GGTA1: variants seen among roughly 807,000 people sequenced by gnomAD.
GGTA1 encodes glycoprotein alpha-galactosyltransferase 1 (inactive), also known as inactive N-acetyllactosaminide alpha-1,3-galactosyltransferase.
Under a neutral mutation model 2.6 loss-of-function variants are expected in GGTA1, and 5 were observed. The ratio of observed to expected loss-of-function variants is 1.92; its 90% CI spans 1.00 to 4.04. The LOEUF (loss-of-function observed/expected upper bound fraction) is 4.04, where lower values mean the gene tolerates loss of function less well. GGTA1 is among the 30% of genes most tolerant of loss of function. GGTA1 has a pLI of 0.00. For synonymous variants in GGTA1, 17 were observed against 5.0 expected, an observed-to-expected ratio of 3.38 and a Z score of -3.19; for missense variants, 50 against 16.7, an observed-to-expected ratio of 2.99 and a Z score of -3.47.
chr9:121,467,988 A>G lies in GGTA1; in HGVS notation c.-9-57T>C, dbSNP rs2065016933. ...GAACAGATTAAATCAATGAACTTCA[A>G]GAGGCAGTTTTTAAAAAATGCTTTT... On this transcript the variant is annotated intron_variant, in intron 1 of 5. Transcript: ENST00000481799. 7.0e-5 allele frequency: 30 copies of G among 428,076 alleles called. 1 individual carries two copies. Among genetic ancestry groups the G allele is most frequent in the South Asian group, 5.0e-4 (30 of 59,748 alleles). 26.5% of individuals were successfully genotyped at this position (428,076 alleles called of 1,614,324 possible).
At chr9:121,463,547 A>G (rs1564652453) in intron 2 of GGTA1, among the ~76,000 whole-genome samples, 1 of 151,804 alleles carries the variant, frequency 6.6e-6, no homozygotes, top group Non-Finnish European at 1.5e-5. Flanking sequence ...AAAATCTCAA[A>G]TTGTGTGTTT....
At chr9:121,474,894 C>T (rs909715677) in intron 1 of GGTA1, among the ~76,000 whole-genome samples, 10 of 150,514 alleles carry the variant, frequency 6.6e-5, no homozygotes, top group South Asian at 2.1e-4. Flanking sequence ...AGAGCCCACC[C>T]GTCCTCCGCT....
At chr9:121,463,145 A>ACATTCTG (rs2064974392) in intron 3 of GGTA1, 148 bp downstream of exon 3, 1 of 414,050 alleles carries the variant, frequency 2.4e-6, no homozygotes, top group African/African-American at 2.1e-5. Context: ...TGCAGAAATA[A>ACATTCTG]CATTCCAGAT....
chr9:121,497,136 T>G (rs1418393547), intron 1 of GGTA1, among the ~76,000 whole-genome samples: 2 of 152,006 alleles, frequency 1.3e-5, no homozygotes, highest in African/African-American at 4.8e-5. Flanking sequence ...GAGGTTGCAG[T>G]GAGTCAAGAT....
At position 121,461,897 on chromosome 9, in the gene GGTA1, G is replaced by A. The variant is rs190862725; in HGVS notation, c.117-580C>T. On this transcript the variant is annotated intron_variant, in intron 3 of 5. Coordinates refer to ENST00000481799, the MANE Select transcript of GGTA1 (RefSeq NM_001382585.1). ...TGTAAAAGTCTAGAGAAAAATTTGGGTTGCCCAAAGGTTAGCAGTAACAGC... is the reference window on the plus strand; with the variant it reads ...TGTAAAAGTCTAGAGAAAAATTTGGATTGCCCAAAGGTTAGCAGTAACAGC... Among the ~76,000 whole-genome samples, 183 of 152,322 alleles carry A rather than the reference G, an allele frequency of 1.2e-3. 1 individual carries two copies. Among genetic ancestry groups the A allele is most frequent in the African/African-American group, 4.2e-3 (174 of 41,566 alleles).
chr9:121,461,201 T>C, intron 4 of GGTA1, 51 bp downstream of exon 4: 1 of 445,444 alleles, frequency 2.2e-6, no homozygotes, highest in Non-Finnish European at 4.5e-6. Flanking sequence ...GTGGACCCTC[T>C]GCAAGCACCA....
At chr9:121,479,114 G>T (rs1327429065) in intron 1 of GGTA1, 1 of 456,612 alleles carries the variant, frequency 2.2e-6, no homozygotes, top group Non-Finnish European at 4.4e-6. Flanking sequence ...CTGCTGGAGA[G>T]ACAAGGACTT....
intron 1 of GGTA1, among the ~76,000 whole-genome samples, chr9:121,484,069 T>C (rs754152580): frequency 2.6e-5 from 4 of 152,160 alleles, no homozygotes; most frequent in Non-Finnish European, 5.9e-5. Context: ...AGCATAGACT[T>C]GGGCTCATTG....
At chr9:121,469,491 T>C (rs571258121) in intron 1 of GGTA1, among the ~76,000 whole-genome samples, 99 of 152,228 alleles carry the variant, frequency 6.5e-4, no homozygotes, top group African/African-American at 2.3e-3. Context: ...AGCCAGAGAA[T>C]AACCAGATTT....
chr9:121,464,118 A>G (rs1462817417), intron 2 of GGTA1, among the ~76,000 whole-genome samples: 1 of 152,168 alleles, frequency 6.6e-6, no homozygotes, highest in East Asian at 1.9e-4. Context: ...CAACAGCACA[A>G]TGGTCACAGC....
intron 2 of GGTA1, among the ~76,000 whole-genome samples, chr9:121,466,484 G>A (rs1286521251): frequency 6.6e-6 from 1 of 152,134 alleles, no homozygotes; most frequent in Admixed American, 6.5e-5. Context: ...TTCTTAAAAT[G>A]AGTTGTGCAG....
chr9:121,495,510 G>A (rs1474358344), intron 1 of GGTA1, among the ~76,000 whole-genome samples: 2 of 152,142 alleles, frequency 1.3e-5, no homozygotes, highest in Admixed American at 6.5e-5. Context: ...TCATGCCACT[G>A]CACTCCAGCC....
intron 1 of GGTA1, among the ~76,000 whole-genome samples, chr9:121,487,918 G>C (rs1828795025): frequency 6.6e-6 from 1 of 152,090 alleles, no homozygotes; most frequent in Non-Finnish European, 1.5e-5. Context: ...GTTTCACCAT[G>C]TTGGCGAGGC....
chr9:121,496,785 T>C (rs1416864732), intron 1 of GGTA1, among the ~76,000 whole-genome samples: 1 of 128,148 alleles, frequency 7.8e-6, no homozygotes, highest in African/African-American at 2.9e-5. Context: ...TGAATGAACC[T>C]AGGGGGCAGA....
exon 8 of GGTA1, chr9:121,447,046 A>T (rs1295100234): frequency 2.0e-5 from 3 of 152,604 alleles, no homozygotes; most frequent in African/African-American, 7.2e-5. Flanking sequence ...AGAAGGAAAT[A>T]CTTGTTTAGG....
At chr9:121,473,960 G>GAGA (rs1828451259) in intron 1 of GGTA1, among the ~76,000 whole-genome samples, 2 of 78,902 alleles carry the variant, frequency 2.5e-5, no homozygotes, top group African/African-American at 9.2e-5. Context: ...AGAGAGAGAG[G>GAGA]GAGGGAGGGA....
In GGTA1 at chr9:121,448,104, T is replaced by A. The variant is rs2064861057; in HGVS notation, c.*119-507A>T. ...TTAGGAGGCCCAGGGTTTGCAGATATAAGCCACATTCTCCAATATCAGCTT... is the reference window on the plus strand; with the variant it reads ...TTAGGAGGCCCAGGGTTTGCAGATAAAAGCCACATTCTCCAATATCAGCTT... On this transcript the variant is annotated intron_variant and NMD_transcript_variant, in intron 7 of 7. Transcript: ENST00000481534. Among the ~76,000 whole-genome samples the A allele has an allele frequency of 1.3e-5, 2 of 152,304 alleles. 1 individual carries two copies. Among genetic ancestry groups the A allele is most frequent in the South Asian group, 4.1e-4 (2 of 4,822 alleles).
At chr9:121,466,571 A>C (rs1477471234) in intron 2 of GGTA1, among the ~76,000 whole-genome samples, 1 of 152,110 alleles carries the variant, frequency 6.6e-6, no homozygotes, top group African/African-American at 2.4e-5. Context: ...GCATTCGGAG[A>C]GTTCTTCTGC....
chr9:121,484,108 G>A (rs1828707664), intron 1 of GGTA1, among the ~76,000 whole-genome samples: 1 of 152,078 alleles, frequency 6.6e-6, no homozygotes, highest in Non-Finnish European at 1.5e-5. Context: ...TTCACTATTT[G>A]GGTGACGGAT....
Sources: gnomAD v4.1 joint callset for allele counts (sites outside exome capture counted in the v4.1 genomes callset) on GRCh38, gnomAD v4.1.1 for gene constraint, MANE v1.5 for transcripts, NCBI Gene and HGNC (gene_info 2026-07-23, HGNC 2026-07-21) for gene names.